SALL2: variants seen among roughly 807,000 people sequenced by gnomAD.
SALL2 encodes the protein sal-like protein 2.
A neutral mutation model predicts 58.5 loss-of-function variants in SALL2; 32 were observed. The ratio of observed to expected loss-of-function variants is 0.55; its 90% confidence interval spans 0.41 to 0.74. The LOEUF is 0.74. Ranked by LOEUF, SALL2 falls within the 30% of genes least tolerant of loss-of-function variation. The pLI, the probability that SALL2 is intolerant of heterozygous loss-of-function variation, is 0.00. For missense variants in SALL2, 1,201 were observed against 1,268.9 expected, an observed-to-expected ratio of 0.95 and a Z score of 0.81; for synonymous variants, 516 against 513.6, an observed-to-expected ratio of 1.00 and a Z score of -0.06.
rs2139669690 is a variant in SALL2 at position 21,524,386 on chromosome 14, T to G, written c.1336A>C (p.Ser446Arg). 2.5e-6 allele frequency: 4 copies of G among 1,614,182 alleles called. No homozygotes were observed. Among genetic ancestry groups the G allele is most frequent in the East Asian group, 2.2e-5 (1 of 44,870 alleles). ...PEHLDYVITS[S>R]GLPYGMSVPP... is the part of the protein sequence containing the mutation. ...ACGGACATACCATAAGGCAAGCCAC[T>G]GCTGGTAATGACATAGTCTAGGTGC... The change falls in exon 2 of 2, where the codon AGT (serine) becomes CGT (arginine). Residue 446 changes from serine to arginine, a missense_variant. Ser to Arg is a moderately radical substitution (Grantham distance 110). Around this residue, in one of 3 missense-constraint regions of SALL2, gnomAD observed 59 missense variants for 116.2 expected, o/e 0.51. Coordinates refer to ENST00000537235, the MANE Select transcript of SALL2 (RefSeq NM_001364564.1).
chr14:21,523,176 G>A lies in SALL2; in HGVS notation c.2546C>T (p.Pro849Leu). The change falls in exon 2 of 2, where the codon CCA becomes CTA. Residue 849 changes from proline to leucine, a missense_variant. Coordinates refer to ENST00000537235, the MANE Select transcript of SALL2 (RefSeq NM_001364564.1). This position sits in a 1 kb window ranked among gnomAD's most constrained non-coding sequence, Gnocchi z 4.4. ...AACACCACTGCTTCCCTGCTCCATT[G>A]GCTGAGGCTGATCCAGGCTGTCAGG... ...PPPDSLDQPQ[P>L]MEQGSSGVLG... 6.2e-7 allele frequency: 1 copy of A among 1,614,124 alleles called. No homozygotes were observed.
At chr14:21,527,855 T>TA (rs879410623), upstream of SALL2, among the ~76,000 whole-genome samples, 1,687 of 139,270 alleles carry the variant, frequency 0.012, 14 homozygotes, top group Middle Eastern at 0.033. Context: ...CCCATTACTT[T>TA]AAAAAAAAAA....
intron 1 of SALL2, among the ~76,000 whole-genome samples, chr14:21,532,994 A>AAAT (rs1345079388): frequency 6.6e-6 from 1 of 151,636 alleles, no homozygotes; most frequent in African/African-American, 2.4e-5. Flanking sequence ...TAAATAAATA[A>AAAT]AATAATAATA....
Position 21,524,088 on chromosome 14 carries a change from C to A in SALL2, c.1634G>T (p.Arg545Leu), listed in dbSNP as rs775042099. The change falls in exon 2 of 2, where the codon CGC becomes CTC. Residue 545 changes from arginine (R) to leucine (L), a missense_variant. By Grantham distance (102) the Arg-to-Leu change is moderately radical (BLOSUM62 -2). This residue lies in a region of SALL2 where 675 missense variants were observed against 683.8 expected (regional missense o/e 0.99). Coordinates refer to ENST00000537235, the MANE Select transcript of SALL2 (RefSeq NM_001364564.1). Reference sequence around the variant, plus strand: ...AGTCACCAACTTACTTAGTTGCATGCGAGTTGCCGTGCTACTTTCTGCCAC... The same window carrying A: ...AGTCACCAACTTACTTAGTTGCATGAGAGTTGCCGTGCTACTTTCTGCCAC... ...SGVAESSTAT[R>L]MQLSKLVTSL... The A allele has an allele frequency of 7.4e-6, 12 of 1,613,896 alleles. No homozygotes were observed. Among genetic ancestry groups the A allele is most frequent in the Admixed American group, 3.3e-5 (2 of 59,996 alleles).
In SALL2 at chr14:21,522,383, C is replaced by G; in HGVS notation, c.*321G>C. The G allele has an allele frequency of 7.0e-7, 1 of 1,425,094 alleles. No individual in the cohort carries two copies. Among genetic ancestry groups the G allele is most frequent in the Non-Finnish European group, 9.2e-7 (1 of 1,092,526 alleles). 88.3% of individuals were successfully genotyped at this position (1,425,094 alleles called of 1,614,324 possible). A position where few individuals can be genotyped will look rare whatever the true frequency, so the allele number is the denominator to read the frequency against. On this transcript the variant is annotated 3_prime_UTR_variant, in exon 2 of 2. Coordinates refer to ENST00000537235, the MANE Select transcript of SALL2 (RefSeq NM_001364564.1). ...AAATGTAGGTGCTCAGGTGCACCTA[C>G]CAAAGGGAAAGGGAGAGGAGAGAGG...
chr14:21,536,248 C>G (rs1892593442), intron 1 of SALL2, among the ~76,000 whole-genome samples: 1 of 152,174 alleles, frequency 6.6e-6, no homozygotes, highest in Non-Finnish European at 1.5e-5. Context: ...TTCCTTGAAG[C>G]ACAAACCTAA....
chr14:21,536,784 C>T, intron 1 of SALL2: 1 of 1,401,576 alleles, frequency 7.1e-7, no homozygotes, highest in Admixed American at 1.7e-5. Flanking sequence ...AGTGCCCTCC[C>T]CTTGCCCTGG....
rs368686326 is a variant in SALL2, at chr14:21,524,203, T to C, written c.1519A>G (p.Asn507Asp). Residue 507 changes from asparagine (N) to aspartate (D), a missense_variant, in exon 2 of 2, where the codon AAT (asparagine) becomes GAT (aspartate). This residue lies in a region of SALL2 where 675 missense variants were observed against 683.8 expected (regional missense o/e 0.99). Transcript: ENST00000537235. ...ACTGCTTTCATGAGCACAAACTTAT[T>C]GAAAGCAGGGAGTCCTGGAGCCGTG... ...TATAPGLPAF[N>D]KFVLMKAVEP... 7 of 1,612,182 alleles carry C rather than the reference T, an allele frequency of 4.3e-6. No homozygotes were observed. Among genetic ancestry groups the C allele is most frequent in the African/African-American group, 1.3e-5 (1 of 74,866 alleles).
chr14:21,527,161 C>T (rs2139676765), upstream of SALL2, among the ~76,000 whole-genome samples: 1 of 152,300 alleles, frequency 6.6e-6, no homozygotes, highest in East Asian at 1.9e-4. Context: ...AGACGCTAGC[C>T]TGCAGAGGCC....
rs1483813804 is a variant in SALL2 at position 21,525,780 on chromosome 14, A to T, written c.68-126T>A. 4.3e-5 allele frequency: 43 copies of T among 1,007,372 alleles called. 1 individual carries two copies. Among genetic ancestry groups the T allele is most frequent in the South Asian group, 2.2e-4 (13 of 59,968 alleles). The allele number at this position is 1,007,372 out of a possible 1,614,324, so 62.4% of individuals were successfully genotyped here. A position where few individuals can be genotyped will look rare whatever the true frequency, so the allele number is the denominator to read the frequency against. On this transcript the variant is annotated intron_variant, in intron 1 of 1. Transcript: ENST00000537235. The surrounding 1 kb of genome is among the most constrained non-coding windows in gnomAD (Gnocchi z 4.4). ...GGGAGATGAGCTCACCATCAGGGCC[A>T]TGCAGAAGTCTAGAGCTCAGGCCTG...
upstream of SALL2, among the ~76,000 whole-genome samples, chr14:21,527,039 T>A (rs1892339433): frequency 6.6e-6 from 1 of 152,118 alleles, no homozygotes. Flanking sequence ...ACCTAATTCA[T>A]AGAGTCCATG....
Position 21,525,529 on chromosome 14 carries a change from CA to C in SALL2, c.192del (p.Ile64MetfsTer75). 6.2e-7 allele frequency: 1 copy of C among 1,613,922 alleles called. No individual in the cohort carries two copies. The highest frequency in any genetic ancestry group is 8.5e-7 in the Non-Finnish European group (1 of 1,179,968). On this transcript the variant is annotated frameshift_variant, in exon 2 of 2. Coordinates refer to ENST00000537235, the MANE Select transcript of SALL2 (RefSeq NM_001364564.1). LOFTEE classifies it high-confidence loss of function. This position sits in a 1 kb window ranked among gnomAD's most constrained non-coding sequence, Gnocchi z 4.4. ...CSTDPPVMVI[I>X]GGQENPNNSS... ...GAGTTGTTGGGGTTCTCCTGGCCCC[CA>C]ATTATCACCATTACAGGAGGGTCAG...
chr14:21,526,341 A>C lies in SALL2; in HGVS notation c.-214T>G. 1.4e-6 allele frequency: 2 copies of C among 1,388,080 alleles called. No homozygotes were observed. The highest frequency in any genetic ancestry group is 1.9e-6 in the Non-Finnish European group (2 of 1,072,238). 86.0% of individuals were successfully genotyped at this position (1,388,080 alleles called of 1,614,324 possible). On this transcript the variant is annotated 5_prime_UTR_variant, in exon 1 of 2. Transcript: ENST00000537235. ...TGGAGTGAGAAAGCGGGGAGAGGGG[A>C]GATCTGGGAGGAGCTGATGAGGAGG...
Position 21,525,185 on chromosome 14 carries a change from CA to C in SALL2, c.536del (p.Leu179ArgfsTer19), listed in dbSNP as rs1566511652. The part of the protein sequence containing the change: ...GVGSGHLNIP[L>X]ILEELRVLQQ... ...GCAGCACCCGTAGCTCTTCCAAGAT[CA>C]GGGGGATATTCAAGTGGCCACTGCC... On this transcript the variant is annotated frameshift_variant, in exon 2 of 2. Transcript: ENST00000537235. LOFTEE classifies it high-confidence loss of function. This position sits in a 1 kb window ranked among gnomAD's most constrained non-coding sequence, Gnocchi z 4.4. 1 of 1,613,912 alleles carries C rather than the reference CA, an allele frequency of 6.2e-7. No individual in the cohort carries two copies. Among genetic ancestry groups the C allele is most frequent in the Admixed American group, 1.7e-5 (1 of 59,988 alleles).
chr14:21,526,229 G>A lies in SALL2; in HGVS notation c.-102C>T, dbSNP rs371591518. The A allele has an allele frequency of 2.0e-6, 3 of 1,485,300 alleles. No individual in the cohort carries two copies. The highest frequency in any genetic ancestry group is 2.8e-5 in the African/African-American group (2 of 71,446). The allele number at this position is 1,485,300 out of a possible 1,614,324, so 92.0% of individuals were successfully genotyped here. On this transcript the variant is annotated 5_prime_UTR_variant, in exon 1 of 2. Transcript: ENST00000537235. ...GTCTGCGGCAGCCTCTGCACCCAGC[G>A]GCCCAGACTGCGGAGATGGAGATCG...
chr14:21,521,922 TC>T lies in SALL2; in HGVS notation c.*781del. The T allele has an allele frequency of 1.4e-6, 2 of 1,442,244 alleles. No individual in the cohort carries two copies. The highest frequency in any genetic ancestry group is 1.8e-6 in the Non-Finnish European group (2 of 1,086,044). The allele number at this position is 1,442,244 out of a possible 1,614,324, so 89.3% of individuals were successfully genotyped here. A position where few individuals can be genotyped will look rare whatever the true frequency, so the allele number is the denominator to read the frequency against. ...TGCCCTTCCTTCATTTCTCCCTACT[TC>T]CTAGGGTTGGGTCACCAATTACTGG... On this transcript the variant is annotated 3_prime_UTR_variant, in exon 2 of 2. Transcript: ENST00000537235.
chr14:21,536,014 T>A (rs1214016155), intron 1 of SALL2, among the ~76,000 whole-genome samples: 4 of 152,210 alleles, frequency 2.6e-5, no homozygotes, highest in Non-Finnish European at 5.9e-5. Flanking sequence ...GTCCTGATTT[T>A]GCTTCTGTCT....
At chr14:21,527,172 T>G (rs114373869), upstream of SALL2, among the ~76,000 whole-genome samples, 1,620 of 152,264 alleles carry the variant, frequency 0.011, 29 homozygotes, top group African/African-American at 0.037. Context: ...TGCAGAGGCC[T>G]ACGGAGGCCC....
chr14:21,536,369 C>G (rs1892595969), intron 1 of SALL2, among the ~76,000 whole-genome samples: 1 of 152,202 alleles, frequency 6.6e-6, no homozygotes, highest in Non-Finnish European at 1.5e-5. Context: ...GAGCTCTGAT[C>G]GGCTCTCAGT....
Sources: gnomAD v4.1 joint callset for allele counts (sites outside exome capture counted in the v4.1 genomes callset) on GRCh38, gnomAD v4.1.1 for gene constraint, gnomAD v4.1.1 regional missense constraint, Gnocchi (gnomAD v3.1) non-coding constraint, MANE v1.5 for transcripts, NCBI Gene and HGNC (gene_info 2026-07-23, HGNC 2026-07-21) for gene names.